MGA: variants seen among roughly 807,000 people sequenced by gnomAD.
MGA encodes the protein MAX dimerization protein MGA.
Under a neutral mutation model 261.1 loss-of-function variants are expected in MGA, and 40 were observed. The observed-to-expected ratio is 0.15, with a 90% CI of 0.12 to 0.20. The LOEUF is 0.20. Ranked by LOEUF, MGA falls within the 10% of genes least tolerant of loss-of-function variation. The pLI is 1.00. For missense variants in MGA, 3,397 were observed against 3,630.5 expected (o/e 0.94, Z 1.65); for synonymous variants, 1,302 against 1,290.6 (o/e 1.01, Z -0.19).
intron 9 of MGA, among the ~76,000 whole-genome samples, chr15:41,726,862 A>G (rs1458089071): frequency 6.6e-6 from 1 of 151,976 alleles, no homozygotes; most frequent in Non-Finnish European, 1.5e-5. Context: ...ACTTGATATT[A>G]TATATTTATG....
chr15:41,705,997 G>A (rs1393234017), intron 5 of MGA, among the ~76,000 whole-genome samples: 1 of 152,138 alleles, frequency 6.6e-6, no homozygotes. Context: ...CCAGCACTTT[G>A]GGAGGCCGAG....
chr15:41,768,973 C>T lies in MGA; in HGVS notation c.*1693C>T, dbSNP rs1300003288. The T allele has an allele frequency of 1.3e-5, 2 of 152,622 alleles. No homozygotes were observed. Among genetic ancestry groups the T allele is most frequent in the Non-Finnish European group, 2.9e-5 (2 of 68,046 alleles). The allele number at this position is 152,622 out of a possible 1,614,324, so 9.5% of individuals were successfully genotyped here. ...GATCTGCTCATCAGCACTTAACCTTCCCTCCTCTAAAGGTTACTAAAGAAG... is the reference window on the plus strand; with the variant it reads ...GATCTGCTCATCAGCACTTAACCTTTCCTCCTCTAAAGGTTACTAAAGAAG... On this transcript the variant is annotated 3_prime_UTR_variant, in exon 24 of 24. Transcript: ENST00000219905.
At position 41,767,153 on chromosome 15, in the gene MGA, T is replaced by C. The variant is rs1045509518; in HGVS notation, c.9071T>C (p.Val3024Ala). The C allele has an allele frequency of 1.2e-6, 2 of 1,613,858 alleles. No homozygotes were observed. The highest frequency in any genetic ancestry group is 1.3e-5 in the African/African-American group (1 of 74,924). Reference sequence around the variant, plus strand: ...CCTATAGCTGCCAAAGTTGGGTCAGTTGGACACAAAATGAACTTAACAGGG... The same window carrying C: ...CCTATAGCTGCCAAAGTTGGGTCAGCTGGACACAAAATGAACTTAACAGGG... The change falls in exon 24 of 24, where the codon GTT becomes GCT. Residue 3024 changes from valine to alanine, a missense_variant. Val to Ala is a moderately conservative substitution (Grantham distance 64). Transcript: ENST00000219905.
chr15:41,655,367 C>A (rs2057145103), intron 1 of MGA, among the ~76,000 whole-genome samples: 1 of 151,604 alleles, frequency 6.6e-6, no homozygotes, highest in South Asian at 2.1e-4. Context: ...TTAGTGGAGC[C>A]TTGCTGTGTT....
At chr15:41,704,234 G>A (rs2059994993) in intron 5 of MGA, among the ~76,000 whole-genome samples, 1 of 151,432 alleles carries the variant, frequency 6.6e-6, no homozygotes, top group Non-Finnish European at 1.5e-5. Context: ...TTTTAGAGAT[G>A]GGGTCTCCCA....
intron 2 of MGA, among the ~76,000 whole-genome samples, chr15:41,672,866 G>GCACA (rs5812197): frequency 0.12 from 18,196 of 150,340 alleles, 1,156 homozygotes; most frequent in South Asian, 0.21. Context: ...ACATGCGTGT[G>GCACA]CACACACACA....
intron 2 of MGA, among the ~76,000 whole-genome samples, chr15:41,676,419 G>A (rs1011174241): frequency 6.6e-6 from 1 of 152,232 alleles, no homozygotes; most frequent in African/African-American, 2.4e-5. Context: ...CTCCCCAAGT[G>A]CCGGGATTAC....
chr15:41,700,253 A>G (rs1375690969), intron 5 of MGA, among the ~76,000 whole-genome samples: 2 of 151,698 alleles, frequency 1.3e-5, no homozygotes, highest in Non-Finnish European at 2.9e-5. Flanking sequence ...TCACTGTGTT[A>G]ACCAGGATGG....
intron 2 of MGA, among the ~76,000 whole-genome samples, chr15:41,682,412 T>C (rs1189203753): frequency 1.3e-5 from 2 of 152,218 alleles, no homozygotes; most frequent in Non-Finnish European, 2.9e-5. Flanking sequence ...CAAGCTGCCA[T>C]CTTGGGATTT....
intron 5 of MGA, among the ~76,000 whole-genome samples, chr15:41,704,517 G>T (rs2060009863): frequency 6.6e-6 from 1 of 152,192 alleles, no homozygotes; most frequent in Non-Finnish European, 1.5e-5. Flanking sequence ...AATTAGCCAA[G>T]AGTGGTGGTG....
In MGA at chr15:41,749,863, G is replaced by A. The variant is rs779688674; in HGVS notation, c.6256G>A (p.Val2086Ile). 1.2e-6 allele frequency: 2 copies of A among 1,613,948 alleles called. No homozygotes were observed. The highest frequency in any genetic ancestry group is 2.2e-5 in the East Asian group (1 of 44,880). ...CAAAGAAAAAGTGGCTGTTCTGGAAGTTAGGACCATTTCTGAAAAAGCCAG... is the reference window on the plus strand; with the variant it reads ...CAAAGAAAAAGTGGCTGTTCTGGAAATTAGGACCATTTCTGAAAAAGCCAG... Residue 2086 changes from valine (V) to isoleucine (I), a missense_variant, in exon 17 of 24, where the codon GTT becomes ATT. By Grantham distance (29) the Val-to-Ile change is conservative. Transcript: ENST00000219905.
At chr15:41,732,350 A>G (rs955906980) in intron 11 of MGA, among the ~76,000 whole-genome samples, 1 of 152,050 alleles carries the variant, frequency 6.6e-6, no homozygotes, top group African/African-American at 2.4e-5. Flanking sequence ...GGGTTTCACC[A>G]TGTTAGCCAG....
intron 19 of MGA, among the ~76,000 whole-genome samples, chr15:41,759,556 C>A (rs369546677): frequency 2.0e-5 from 3 of 148,602 alleles, no homozygotes; most frequent in South Asian, 2.1e-4. Flanking sequence ...CCTACCTTGG[C>A]GTCCAAAAGT....
intron 1 of MGA, among the ~76,000 whole-genome samples, chr15:41,644,034 T>C (rs990696576): frequency 6.6e-6 from 1 of 152,176 alleles, no homozygotes; most frequent in Non-Finnish European, 1.5e-5. Context: ...AATTCTTTTA[T>C]TTTTTTGAGT....
intron 18 of MGA, among the ~76,000 whole-genome samples, chr15:41,756,720 C>T (rs930825477): frequency 5.9e-5 from 9 of 152,080 alleles, no homozygotes; most frequent in Non-Finnish European, 8.8e-5. Flanking sequence ...TGGAACTCTG[C>T]GTATCAACAT....
chr15:41,762,461 G>GTTTTTTTTTTTTTTTTTTTTTTTT (rs34069193), intron 22 of MGA, 99 bp downstream of exon 22: 10 of 138,448 alleles, frequency 7.2e-5, no homozygotes, highest in Non-Finnish European at 1.0e-4. Context: ...GTTTTGTGTG[G>GTTTTTTTTTTTTTTTTTTTTTTTT]TTTTTTTTTT....
chr15:41,707,958 A>T, intron 6 of MGA, 99 bp downstream of exon 6: 1 of 1,445,300 alleles, frequency 6.9e-7, no homozygotes, highest in Non-Finnish European at 9.4e-7. Flanking sequence ...GACATTTAAC[A>T]TTAGTCTAAG....
chr15:41,627,138 A>G (rs886930928), intron 1 of MGA, among the ~76,000 whole-genome samples: 3 of 152,156 alleles, frequency 2.0e-5, no homozygotes, highest in African/African-American at 7.2e-5. Flanking sequence ...CCTGAGCTCA[A>G]GTGATCTGCT....
chr15:41,741,849 T>C (rs2062124207), intron 14 of MGA, among the ~76,000 whole-genome samples: 1 of 151,830 alleles, frequency 6.6e-6, no homozygotes, highest in Non-Finnish European at 1.5e-5. Context: ...GTAGCTGGGA[T>C]TACAGGCACG....
Sources: gnomAD v4.1 joint callset for allele counts (sites outside exome capture counted in the v4.1 genomes callset) on GRCh38, gnomAD v4.1.1 for gene constraint, MANE v1.5 for transcripts, NCBI Gene and HGNC (gene_info 2026-07-23, HGNC 2026-07-21) for gene names.